The following ZNF395 variants were observed in gnomAD, a reference collection of about 807,000 sequenced individuals.
ZNF395 encodes zinc finger protein 395, also known as HD gene regulatory region-binding protein 2.
A neutral mutation model predicts 57.7 loss-of-function variants in ZNF395; 20 were observed. That is an observed-to-expected ratio of 0.35 (90% CI 0.24 to 0.50). The LOEUF (loss-of-function observed/expected upper bound fraction) is 0.50, where lower values mean the gene tolerates loss of function less well. Among genes scored for constraint, ZNF395 ranks in the 20% least tolerant of loss-of-function variants. The pLI is 0.97. For missense variants in ZNF395, 606 were observed against 671.2 expected (o/e 0.90, Z 1.07); for synonymous variants, 295 against 275.9 (o/e 1.07, Z -0.69).
chr8:28,367,250 A>G (rs944607886), intron 1 of ZNF395, among the ~76,000 whole-genome samples: 19 of 152,226 alleles, frequency 1.2e-4, no homozygotes, highest in African/African-American at 4.1e-4. Flanking sequence ...ATAATTGTCC[A>G]ACTCCCATTC....
chr8:28,376,287 C>T (rs1027990945), intron 1 of ZNF395, among the ~76,000 whole-genome samples: 1 of 152,164 alleles, frequency 6.6e-6, no homozygotes, highest in Non-Finnish European at 1.5e-5. Flanking sequence ...CAGGCGTGAG[C>T]CACCATGCCC....
chr8:28,363,536 T>A (rs926835727), intron 1 of ZNF395, among the ~76,000 whole-genome samples: 7 of 152,078 alleles, frequency 4.6e-5, no homozygotes, highest in African/African-American at 7.2e-5. Flanking sequence ...ACTGGGCTGA[T>A]AGGATCCAGA....
Position 28,378,544 on chromosome 8 carries a change from T to C in ZNF395, c.-59+7849A>G, listed in dbSNP as rs376156266. On this transcript the variant is annotated intron_variant, in intron 1 of 9. Coordinates refer to ENST00000344423, the MANE Select transcript of ZNF395 (RefSeq NM_018660.3). The stretch of plus-strand genomic sequence containing the variant: ...GCGTGAGTCAATGCACCTCACCTGT[T>C]TTTTGTTTTGTTTTGTTCATCCTTT... Among the ~76,000 whole-genome samples the C allele has an allele frequency of 1.7e-4, 26 of 152,282 alleles. No homozygotes were observed. In the South Asian group the frequency reaches 4.1e-3, roughly 24 times the overall value.
chr8:28,360,811 G>A, intron 2 of ZNF395, 74 bp downstream of exon 2: 1 of 1,563,230 alleles, frequency 6.4e-7, no homozygotes, highest in African/African-American at 1.4e-5. Flanking sequence ...TTTCCGGCCT[G>A]TCACTAGGGC....
intron 1 of ZNF395, among the ~76,000 whole-genome samples, chr8:28,371,342 G>A (rs1262099399): frequency 6.6e-6 from 1 of 152,156 alleles, no homozygotes; most frequent in Non-Finnish European, 1.5e-5. Flanking sequence ...CACCACATCT[G>A]ACTCATTTTT....
chr8:28,359,804 A>G lies in ZNF395; in HGVS notation c.261T>C (p.Gly87=). Residue 87 remains glycine, a synonymous_variant, in exon 3 of 10, where the codon GGT becomes GGC. Transcript: ENST00000344423. The surrounding 1 kb of genome is among the most constrained non-coding windows in gnomAD (Gnocchi z 4.7). ...PGQKVYVWYG[G]QECTGLVEQH... is the part of the protein sequence containing the mutation. ...GCTCCACCAGTCCTGTGCACTCTTG[A>G]CCCCCGTACCACACATAAACCTGTG... is the stretch of plus-strand genomic sequence containing the variant. 3 of 1,613,560 alleles carry G rather than the reference A, an allele frequency of 1.9e-6. No individual in the cohort carries two copies. The highest frequency in any genetic ancestry group is 2.5e-6 in the Non-Finnish European group (3 of 1,179,926).
In ZNF395 at chr8:28,359,209, CAATA is replaced by C. The variant is rs1801817357; in HGVS notation, c.473+379_473+382del. On this transcript the variant is annotated intron_variant, in intron 3 of 9. Transcript: ENST00000344423. This position sits in a 1 kb window ranked among gnomAD's most constrained non-coding sequence, Gnocchi z 4.7. ...GTCGGGAGTTTGAGACCAGCCTGAC[CAATA>C]AATATGGTGAAACCCCATCTCTACC... 6.6e-6 allele frequency among the ~76,000 whole-genome samples: 1 copy of C among 152,248 alleles called. No homozygotes were observed. Among genetic ancestry groups the C allele is most frequent in the African/African-American group, 2.4e-5 (1 of 41,546 alleles).
intron 1 of ZNF395, among the ~76,000 whole-genome samples, chr8:28,375,089 T>C (rs1458804469): frequency 1.3e-5 from 2 of 152,088 alleles, no homozygotes; most frequent in Non-Finnish European, 2.9e-5. Flanking sequence ...ATAGAGTCCT[T>C]AGAAATACAA....
chr8:28,378,453 C>G (rs1176365912), intron 1 of ZNF395, among the ~76,000 whole-genome samples: 1 of 152,112 alleles, frequency 6.6e-6, no homozygotes, highest in Admixed American at 6.6e-5. Context: ...GTTGCCCAAG[C>G]CAGTCTTGAA....
At chr8:28,379,248 T>C (rs1307557794) in intron 1 of ZNF395, among the ~76,000 whole-genome samples, 1 of 152,248 alleles carries the variant, frequency 6.6e-6, no homozygotes, top group Non-Finnish European at 1.5e-5. Flanking sequence ...CTCATATCCC[T>C]ATTAACTCTT....
In ZNF395 at chr8:28,347,098, G is replaced by C. The variant is rs1180621897; in HGVS notation, c.*1621C>G. 6.6e-6 allele frequency: 1 copy of C among 152,206 alleles called. No homozygotes were observed. The highest frequency in any genetic ancestry group is 1.5e-5 in the Non-Finnish European group (1 of 68,044). 9.4% of individuals were successfully genotyped at this position (152,206 alleles called of 1,614,324 possible). A position where few individuals can be genotyped will look rare whatever the true frequency, so the allele number is the denominator to read the frequency against. Reference sequence around the variant, plus strand: ...GTCTACAGATTTTGTAACACTCAAAGTGTCCTGCATTAAAAAGCACGTGTC... The same window carrying C: ...GTCTACAGATTTTGTAACACTCAAACTGTCCTGCATTAAAAAGCACGTGTC... On this transcript the variant is annotated 3_prime_UTR_variant, in exon 10 of 10. Transcript: ENST00000344423.
intron 1 of ZNF395, among the ~76,000 whole-genome samples, chr8:28,363,516 G>A (rs974581769): frequency 2.0e-5 from 3 of 152,208 alleles, no homozygotes; most frequent in Middle Eastern, 6.8e-3. Flanking sequence ...CTAACTCTCA[G>A]TTCAATTTCA....
At chr8:28,375,107 T>C (rs1802024705) in intron 1 of ZNF395, among the ~76,000 whole-genome samples, 1 of 152,082 alleles carries the variant, frequency 6.6e-6, no homozygotes, top group Non-Finnish European at 1.5e-5. Flanking sequence ...CAAAATTGGC[T>C]GTGCACAGGT....
intron 4 of ZNF395, among the ~76,000 whole-genome samples, chr8:28,355,052 G>A (rs1206866145): frequency 6.6e-6 from 1 of 152,180 alleles, no homozygotes. Flanking sequence ...TAAGTTATAA[G>A]TTAATGTGTA....
Position 28,370,572 on chromosome 8 carries a change from C to T in ZNF395, c.-58-9390G>A, listed in dbSNP as rs534378555. Among the ~76,000 whole-genome samples the T allele has an allele frequency of 2.6e-5, 4 of 152,280 alleles. No individual in the cohort carries two copies. In the East Asian group the frequency reaches 5.8e-4, roughly 22 times the overall value. On this transcript the variant is annotated intron_variant, in intron 1 of 9. Coordinates refer to ENST00000344423, the MANE Select transcript of ZNF395 (RefSeq NM_018660.3). ...GCTTTTCTTGAAATGGATGGGGTGG[C>T]GGCATTAATCAGAAGCTGCTCACTG...
At chr8:28,374,180 G>A (rs1206220292) in intron 1 of ZNF395, among the ~76,000 whole-genome samples, 4 of 152,196 alleles carry the variant, frequency 2.6e-5, no homozygotes, top group African/African-American at 7.2e-5. Flanking sequence ...CATAGGAGCC[G>A]GGAACTATCA....
rs184557115 is a variant in ZNF395 at position 28,359,263 on chromosome 8, G to A, written c.473+329C>T. ...CAAAAAATACAAAAATTAGCCAGGC[G>A]TGGTGGTGCACGCCTGTAATCCCAG... On this transcript the variant is annotated intron_variant, in intron 3 of 9. Transcript: ENST00000344423. The surrounding 1 kb of genome is among the most constrained non-coding windows in gnomAD (Gnocchi z 4.7). 1.6e-3 allele frequency among the ~76,000 whole-genome samples: 247 copies of A among 152,198 alleles called. No homozygotes were observed. The highest frequency in any genetic ancestry group is 5.7e-3 in the African/African-American group (235 of 41,544).
intron 1 of ZNF395, among the ~76,000 whole-genome samples, chr8:28,366,542 G>A (rs1015670782): frequency 3.3e-5 from 5 of 151,382 alleles, no homozygotes; most frequent in African/African-American, 4.8e-5. Context: ...GTGAATGTTT[G>A]CATCTCTTAT....
intron 8 of ZNF395, among the ~76,000 whole-genome samples, chr8:28,349,580 G>A (rs1041309712): frequency 2.0e-5 from 3 of 152,226 alleles, no homozygotes; most frequent in African/African-American, 7.2e-5. Context: ...CCCTGCAGGA[G>A]ATAACTCAAG....
Sources: allele counts gnomAD v4.1 joint callset (sites outside exome capture counted in the v4.1 genomes callset), GRCh38; gene constraint gnomAD v4.1.1; non-coding constraint Gnocchi (gnomAD v3.1); transcripts MANE v1.5; gene names NCBI Gene and HGNC (gene_info 2026-07-23, HGNC 2026-07-21).